ATG16L2: variants seen among roughly 807,000 people sequenced by gnomAD.
The protein encoded by ATG16L2 is protein Atg16l2.
Under a neutral mutation model 84.7 loss-of-function variants are expected in ATG16L2, and 77 were observed. The observed-to-expected ratio is 0.91, with a 90% CI of 0.76 to 1.10. The LOEUF (loss-of-function observed/expected upper bound fraction) is 1.10, where lower values mean the gene tolerates loss of function less well. ATG16L2 is among the 50% of genes least tolerant of loss of function. ATG16L2 has a pLI of 0.00. For missense variants in ATG16L2, 782 were observed against 817.6 expected, an observed-to-expected ratio of 0.96 and a Z score of 0.53; for synonymous variants, 361 against 342.8, an observed-to-expected ratio of 1.05 and a Z score of -0.59.
At position 72,827,228 on chromosome 11, in the gene ATG16L2, G is replaced by A. The variant is rs1565270923; in HGVS notation, c.1407G>A (p.Val469=). ...ATGTCCTTTCCTACTGTAATGACGT[G>A]GTGTGTGGGGACCATATCATCATTA... ...TINVLSYCND[V]VCGDHIIISG... The change falls in exon 14 of 18, where the codon GTG becomes GTA. Residue 469 remains valine, a synonymous_variant. Coordinates refer to ENST00000321297, the MANE Select transcript of ATG16L2 (RefSeq NM_033388.2). 4 of 1,613,974 alleles carry A rather than the reference G, an allele frequency of 2.5e-6. No homozygotes were observed. Among genetic ancestry groups the A allele is most frequent in the Non-Finnish European group, 3.4e-6 (4 of 1,180,022 alleles).
intron 5 of ATG16L2, chr11:72,838,512 C>G (rs1325760419): frequency 4.1e-6 from 2 of 482,868 alleles, no homozygotes; most frequent in Non-Finnish European, 7.6e-6. Context: ...TAAAAACAGA[C>G]CACTGTTAGG....
downstream of ATG16L2, among the ~76,000 whole-genome samples, chr11:72,833,779 C>T (rs1161190325): frequency 2.0e-5 from 3 of 151,922 alleles, no homozygotes; most frequent in African/African-American, 7.3e-5. Context: ...AAAAATTAGC[C>T]GGGTGTGGTG....
chr11:72,842,886 C>T (rs576622316), exon 6 of ATG16L2: 29 of 1,527,516 alleles, frequency 1.9e-5, no homozygotes, highest in South Asian at 3.4e-5. Flanking sequence ...AATTAACAGC[C>T]GGTTGCTTTT....
downstream of ATG16L2, among the ~76,000 whole-genome samples, chr11:72,830,585 T>C (rs1227425173): frequency 6.6e-6 from 1 of 152,192 alleles, no homozygotes; most frequent in Non-Finnish European, 1.5e-5. Context: ...TCCTCCCACC[T>C]GGTCTTCCCG....
chr11:72,827,329 G>C, intron 14 of ATG16L2, 36 bp downstream of exon 14: 5 of 1,523,438 alleles, frequency 3.3e-6, no homozygotes, highest in Non-Finnish European at 4.6e-6. Context: ...CTTGGGGAGG[G>C]CTGGGGACAG....
chr11:72,822,265 A>G lies in ATG16L2; in HGVS notation c.614A>G (p.Glu205Gly). 6.6e-7 allele frequency: 1 copy of G among 1,505,036 alleles called. No individual in the cohort carries two copies. The highest frequency in any genetic ancestry group is 1.2e-5 in the South Asian group (1 of 80,562). The allele number at this position is 1,505,036 out of a possible 1,614,324, so 93.2% of individuals were successfully genotyped here. The change falls in exon 5 of 18, where the codon GAG (glutamate) becomes GGG (glycine). Residue 205 changes from glutamate to glycine, a missense_variant. Glu to Gly is a moderately conservative substitution (Grantham distance 98). Transcript: ENST00000321297. This position sits in a 1 kb window ranked among gnomAD's most constrained non-coding sequence, Gnocchi z 4.2. Reference sequence around the variant, plus strand: ...CAGCGCAAGGCGCGCGCCGCGGCCGAGCGCAACCTGCGCAACGAGCGCCGG... The same window carrying G: ...CAGCGCAAGGCGCGCGCCGCGGCCGGGCGCAACCTGCGCAACGAGCGCCGG... ...LVQRKARAAA[E>G]RNLRNERRER...
chr11:72,828,461 A>C lies in ATG16L2; in HGVS notation c.1575A>C (p.Thr525=). ...TGCTCAGCTGTTCCCGAGACAACAC[A>C]CTCAAGGTCATCGACCTGCGTGTCA... ...LHLLSCSRDN[T]LKVIDLRVSN... The change falls in exon 15 of 18, where the codon ACA becomes ACC. Residue 525 remains threonine (T), a synonymous_variant. Transcript: ENST00000321297. The C allele has an allele frequency of 6.2e-7, 1 of 1,614,048 alleles. No individual in the cohort carries two copies. Among genetic ancestry groups the C allele is most frequent in the Non-Finnish European group, 8.5e-7 (1 of 1,180,004 alleles).
chr11:72,836,135 C>G (rs1860721396), intron 5 of ATG16L2, among the ~76,000 whole-genome samples: 1 of 152,230 alleles, frequency 6.6e-6, no homozygotes, highest in Non-Finnish European at 1.5e-5. Flanking sequence ...CTGCATGTCC[C>G]CAGCTCCAGG....
rs200934612 is a variant in ATG16L2 at position 72,822,034 on chromosome 11, C to G, written c.393-10C>G. The G allele has an allele frequency of 3.4e-6, 5 of 1,488,774 alleles. No individual in the cohort carries two copies. In the East Asian group the frequency reaches 1.2e-4, roughly 37 times the overall value. 92.2% of individuals were successfully genotyped at this position (1,488,774 alleles called of 1,614,324 possible). A position where few individuals can be genotyped will look rare whatever the true frequency, so the allele number is the denominator to read the frequency against. On this transcript the variant is annotated splice_polypyrimidine_tract_variant and intron_variant, in intron 4 of 17. Transcript: ENST00000321297. This position sits in a 1 kb window ranked among gnomAD's most constrained non-coding sequence, Gnocchi z 4.2. ...CTTGGGACCCGCTATCCGCTCTTTC[C>G]GTCCTCCAGGCTGGCAGCCCTGGAG...
intron 5 of ATG16L2, chr11:72,836,948 T>A (rs1328671961): frequency 6.6e-6 from 1 of 152,540 alleles, no homozygotes; most frequent in African/African-American, 2.4e-5. Context: ...AAAATAAAAT[T>A]AGCAGCTCTT....
intron 5 of ATG16L2, chr11:72,841,069 G>C (rs1860914272): frequency 1.3e-6 from 1 of 778,942 alleles, no homozygotes; most frequent in Non-Finnish European, 2.2e-6. Flanking sequence ...TTGGGATACT[G>C]AGGCGGGAGG....
Position 72,822,134 on chromosome 11 carries a change from G to T in ATG16L2, c.483G>T (p.Ala161=), listed in dbSNP as rs939736085. 2 of 1,501,886 alleles carry T rather than the reference G, an allele frequency of 1.3e-6. No homozygotes were observed. Among genetic ancestry groups the T allele is most frequent in the Admixed American group, 2.3e-5 (1 of 44,434 alleles). 93.0% of individuals were successfully genotyped at this position (1,501,886 alleles called of 1,614,324 possible). The change falls in exon 5 of 18, where the codon GCG becomes GCT. Residue 161 remains alanine, a synonymous_variant. Coordinates refer to ENST00000321297, the MANE Select transcript of ATG16L2 (RefSeq NM_033388.2). This position sits in a 1 kb window ranked among gnomAD's most constrained non-coding sequence, Gnocchi z 4.2. ...QQVEEWRAQN[A]VQRAAYEALR... ...TGGAGGAGTGGCGGGCGCAGAATGC[G>T]GTGCAGCGGGCAGCCTACGAGGCGC...
At position 72,816,750 on chromosome 11, in the gene ATG16L2, T is replaced by C. The variant is rs767657270; in HGVS notation, c.141T>C (p.Ala47=). 8.1e-6 allele frequency: 13 copies of C among 1,614,108 alleles called. No homozygotes were observed. Among genetic ancestry groups the C allele is most frequent in the Non-Finnish European group, 6.8e-6 (8 of 1,180,018 alleles). The stretch of plus-strand genomic sequence containing the variant: ...CAGATAACCATCTCTTAGAGAAGGC[T>C]GAGCTGCTGGACAAGTTCTCAAAGA... ...VPAYNHLLEK[A]ELLDKFSKKL... is the part of the protein sequence containing the mutation. The change falls in exon 2 of 18, where the codon GCT becomes GCC. Residue 47 remains alanine, a synonymous_variant. Coordinates refer to ENST00000321297, the MANE Select transcript of ATG16L2 (RefSeq NM_033388.2).
intron 7 of ATG16L2, chr11:72,823,362 T>C: frequency 3.0e-6 from 1 of 332,914 alleles, no homozygotes; most frequent in Non-Finnish European, 5.9e-6. Flanking sequence ...CAAGCTTGAC[T>C]GAGCCCGTCT....
At chr11:72,828,546 T>G in intron 15 of ATG16L2, 38 bp downstream of exon 15, 1 of 1,612,994 alleles carries the variant, frequency 6.2e-7, no homozygotes, top group Non-Finnish European at 8.5e-7. Flanking sequence ...TGGCCTTTGC[T>G]GGGACAGCTG....
At position 72,822,393 on chromosome 11, in the gene ATG16L2, G is replaced by GC. The variant is rs777977970; in HGVS notation, c.645-80dup. On this transcript the variant is annotated intron_variant, in intron 5 of 17. Coordinates refer to ENST00000321297, the MANE Select transcript of ATG16L2 (RefSeq NM_033388.2). The surrounding 1 kb of genome is among the most constrained non-coding windows in gnomAD (Gnocchi z 4.2). ...TCTGGAAGGGAGGGGGGCAGCAGCC[G>GC]CCCCCTGGAGGAAGGGACCGGGTCT... 2 of 1,592,682 alleles carry GC rather than the reference G, an allele frequency of 1.3e-6. No individual in the cohort carries two copies. Among genetic ancestry groups the GC allele is most frequent in the Non-Finnish European group, 1.7e-6 (2 of 1,169,462 alleles).
Position 72,826,598 on chromosome 11 carries a change from T to C in ATG16L2, c.1245+9T>C, listed in dbSNP as rs1262006727. 6.2e-7 allele frequency: 1 copy of C among 1,614,012 alleles called. No individual in the cohort carries two copies. The highest frequency in any genetic ancestry group is 8.5e-7 in the Non-Finnish European group (1 of 1,180,006). On this transcript the variant is annotated intron_variant, in intron 12 of 17. Coordinates refer to ENST00000321297, the MANE Select transcript of ATG16L2 (RefSeq NM_033388.2). ...GGGAGGCACAGTCCAAGGTGAGGCC[T>C]GACTGGGGAGGCTGCCTGGAGGTCA...
intron 1 of ATG16L2, chr11:72,816,351 T>C (rs1029186788): frequency 1.2e-5 from 2 of 172,638 alleles, no homozygotes; most frequent in African/African-American, 4.7e-5. Flanking sequence ...CATTGACAGG[T>C]AGAGCTCGGT....
Position 72,826,536 on chromosome 11 carries a change from G to C in ATG16L2, c.1192G>C (p.Ala398Pro). 6.2e-7 allele frequency: 1 copy of C among 1,614,142 alleles called. No homozygotes were observed. Among genetic ancestry groups the C allele is most frequent in the Non-Finnish European group, 8.5e-7 (1 of 1,180,022 alleles). Residue 398 changes from alanine to proline, a missense_variant, in exon 12 of 18, where the codon GCA becomes CCA. Ala to Pro is a conservative substitution (Grantham distance 27). Transcript: ENST00000321297. ...FDPSGYQVLAATYNQAAQLWK... is the reference protein window; with the variant it reads ...FDPSGYQVLAPTYNQAAQLWK... ...TCTCCAGGGCTACCAGGTTTTAGCA[G>C]CAACTTACAACCAGGCTGCCCAGCT...
Sources: gnomAD v4.1 joint callset for allele counts (sites outside exome capture counted in the v4.1 genomes callset) on GRCh38, gnomAD v4.1.1 for gene constraint, Gnocchi (gnomAD v3.1) non-coding constraint, MANE v1.5 for transcripts, NCBI Gene and HGNC (gene_info 2026-07-23, HGNC 2026-07-21) for gene names.